CCDC60: variants seen among roughly 807,000 people sequenced by gnomAD.
The protein encoded by CCDC60 is coiled-coil domain-containing protein 60.
CCDC60 carries 54 observed loss-of-function variants against 63.5 expected under a neutral mutation model. That is an observed-to-expected ratio of 0.85 (90% CI 0.68 to 1.07). CCDC60 has a LOEUF of 1.07. Ranked by LOEUF, CCDC60 falls within the 50% of genes least tolerant of loss-of-function variation. CCDC60 has a pLI of 0.00. For synonymous variants in CCDC60, 206 were observed against 238.8 expected, an observed-to-expected ratio of 0.86 and a Z score of 1.27; for missense variants, 651 against 684.3, an observed-to-expected ratio of 0.95 and a Z score of 0.54.
intron 1 of CCDC60, among the ~76,000 whole-genome samples, chr12:119,342,884 A>G (rs916560776): frequency 8.5e-5 from 13 of 152,236 alleles, no homozygotes; most frequent in African/African-American, 3.1e-4. Context: ...GGTGAGGCTT[A>G]AGGAAATTCT....
In CCDC60 at chr12:119,479,144, G is replaced by A. The variant is rs144234053; in HGVS notation, c.392G>A (p.Arg131His). 28 of 1,613,960 alleles carry A rather than the reference G, an allele frequency of 1.7e-5. No individual in the cohort carries two copies. Among genetic ancestry groups the A allele is most frequent in the African/African-American group, 1.5e-4 (11 of 75,022 alleles). The part of the protein sequence containing the change: ...LKTLGARVTR[R>H]PFTPIHSCII... ...ACACTGGGAGCTAGAGTCACACGTC[G>A]CCCATTCACTCCCATCCACAGCTGC... Residue 131 changes from arginine to histidine, a missense_variant, in exon 4 of 14, where the codon CGC (arginine) becomes CAC (histidine). Transcript: ENST00000327554.
intron 6 of CCDC60, among the ~76,000 whole-genome samples, chr12:119,502,306 A>C (rs76201183): frequency 0.089 from 13,554 of 152,268 alleles, 747 homozygotes; most frequent in Non-Finnish European, 0.12. Context: ...CTGGGTAGCT[A>C]AACATGTCTC....
At chr12:119,477,201 C>G (rs1451099876) in intron 3 of CCDC60, among the ~76,000 whole-genome samples, 1 of 152,200 alleles carries the variant, frequency 6.6e-6, no homozygotes, top group Non-Finnish European at 1.5e-5. Context: ...TCCCAGGACA[C>G]AGGAAGGAGA....
intron 7 of CCDC60, among the ~76,000 whole-genome samples, chr12:119,514,309 T>C (rs1952294414): frequency 6.6e-6 from 1 of 151,658 alleles, no homozygotes; most frequent in South Asian, 2.1e-4. Flanking sequence ...CCCAAGCAGC[T>C]GGGATTACAG....
chr12:119,453,936 GA>G (rs1382353669), intron 2 of CCDC60, among the ~76,000 whole-genome samples: 1 of 152,024 alleles, frequency 6.6e-6, no homozygotes, highest in Non-Finnish European at 1.5e-5. Flanking sequence ...AAAATAAGAA[GA>G]AAAAAATGAT....
chr12:119,363,584 A>G (rs1405380305), intron 1 of CCDC60, among the ~76,000 whole-genome samples: 2 of 152,214 alleles, frequency 1.3e-5, no homozygotes, highest in Non-Finnish European at 2.9e-5. Context: ...GCCACAAGAC[A>G]CAGCTATTAA....
chr12:119,390,336 CTGTT>C (rs1158201745), intron 1 of CCDC60, among the ~76,000 whole-genome samples: 1 of 152,322 alleles, frequency 6.6e-6, no homozygotes, highest in African/African-American at 2.4e-5. Context: ...CCCTAAAACA[CTGTT>C]TGTTGTGCTT....
chr12:119,403,175 G>A (rs1373476346), intron 1 of CCDC60, among the ~76,000 whole-genome samples: 1 of 152,140 alleles, frequency 6.6e-6, no homozygotes, highest in Non-Finnish European at 1.5e-5. Flanking sequence ...TCTTTCCCAA[G>A]AGCAGCAGCA....
At chr12:119,504,997 C>T (rs1951951866) in intron 6 of CCDC60, 72 bp from the exon 7 acceptor site, 3 of 1,168,592 alleles carry the variant, frequency 2.6e-6, no homozygotes, top group African/African-American at 3.1e-5. Flanking sequence ...CTTCCTCCTT[C>T]CCTCCTTTCT....
rs940048430 is a variant in CCDC60 at position 119,439,188 on chromosome 12, C to T, written c.170+10426C>T. Among the ~76,000 whole-genome samples, 4 of 149,938 alleles carry T rather than the reference C, an allele frequency of 2.7e-5. No individual in the cohort carries two copies. In the East Asian group the frequency reaches 6.0e-4, roughly 23 times the overall value. On this transcript the variant is annotated intron_variant, in intron 2 of 13. Coordinates refer to ENST00000327554, the MANE Select transcript of CCDC60 (RefSeq NM_178499.5). ...AAAAAAAAAAAAGAGTTAGCTCAGTCCCTGCATTGCCCTAGGAAACACTTA... is the reference window on the plus strand; with the variant it reads ...AAAAAAAAAAAAGAGTTAGCTCAGTTCCTGCATTGCCCTAGGAAACACTTA...
Position 119,400,253 on chromosome 12 carries a change from A to G in CCDC60, c.91-28430A>G, listed in dbSNP as rs527700291. Among the ~76,000 whole-genome samples, 11 of 152,210 alleles carry G rather than the reference A, an allele frequency of 7.2e-5. No homozygotes were observed. The East Asian group carries it at 1.9e-3, about 27-fold the overall frequency. On this transcript the variant is annotated intron_variant, in intron 1 of 13. Coordinates refer to ENST00000327554, the MANE Select transcript of CCDC60 (RefSeq NM_178499.5). ...TTTAGTAAAGACGGGGTTTCACCGT[A>G]TTAGCCAGGATGGTCTCGATCTCCT...
chr12:119,391,027 G>T (rs1294995956), intron 1 of CCDC60, among the ~76,000 whole-genome samples: 1 of 152,300 alleles, frequency 6.6e-6, no homozygotes, highest in East Asian at 1.9e-4. Flanking sequence ...TTTAGGTTAG[G>T]TCTTAACCAC....
chr12:119,371,341 A>T (rs951554612), intron 1 of CCDC60, among the ~76,000 whole-genome samples: 8 of 152,242 alleles, frequency 5.3e-5, no homozygotes, highest in Non-Finnish European at 1.0e-4. Context: ...GCTTAAAGCC[A>T]GAAAACTTCA....
intron 2 of CCDC60, among the ~76,000 whole-genome samples, chr12:119,433,189 C>T (rs533971363): frequency 2.0e-5 from 3 of 152,192 alleles, no homozygotes; most frequent in South Asian, 4.2e-4. Flanking sequence ...CAGCACACCA[C>T]GGGGGACGTG....
intron 12 of CCDC60, among the ~76,000 whole-genome samples, chr12:119,530,388 T>G (rs1055944073): frequency 1.3e-5 from 2 of 151,710 alleles, no homozygotes; most frequent in African/African-American, 4.8e-5. Flanking sequence ...CCAAAACTAC[T>G]CTCACATTCA....
chr12:119,413,843 G>A (rs760857512), intron 1 of CCDC60, among the ~76,000 whole-genome samples: 10 of 152,152 alleles, frequency 6.6e-5, no homozygotes, highest in Admixed American at 2.0e-4. Context: ...GTGCCAGTGC[G>A]TAATGGGGAT....
intron 5 of CCDC60, among the ~76,000 whole-genome samples, chr12:119,490,039 G>A (rs999238218): frequency 2.6e-5 from 4 of 151,986 alleles, no homozygotes; most frequent in African/African-American, 7.2e-5. Flanking sequence ...CTCATGATCC[G>A]CCTGCCTCGG....
At chr12:119,353,128 C>T (rs1371229660) in intron 1 of CCDC60, among the ~76,000 whole-genome samples, 3 of 151,770 alleles carry the variant, frequency 2.0e-5, no homozygotes, top group Non-Finnish European at 4.4e-5. Flanking sequence ...CTCAGGGTCA[C>T]TCACAAAACA....
chr12:119,522,922 A>G lies in CCDC60; in HGVS notation c.1041-17A>G. 6.2e-7 allele frequency: 1 copy of G among 1,613,306 alleles called. No homozygotes were observed. Among genetic ancestry groups the G allele is most frequent in the Non-Finnish European group, 8.5e-7 (1 of 1,179,252 alleles). ...AGCAGACTCTGAGCAACTTGAAACC[A>G]TCCTTTTGTGTTTCAGTGAGAGATC... On this transcript the variant is annotated splice_polypyrimidine_tract_variant and intron_variant, in intron 9 of 13. Transcript: ENST00000327554.
Sources: allele counts gnomAD v4.1 joint callset (sites outside exome capture counted in the v4.1 genomes callset), GRCh38; gene constraint gnomAD v4.1.1; transcripts MANE v1.5; gene names NCBI Gene and HGNC (gene_info 2026-07-23, HGNC 2026-07-21).